The following GPC3 variants were observed in gnomAD, a reference collection of about 807,000 sequenced individuals.
GPC3 encodes glypican-3.
Under a neutral mutation model 34.4 loss-of-function variants are expected in GPC3, and 3 were observed. The observed-to-expected ratio is 0.09, with a 90% CI of 0.04 to 0.23. GPC3 has a LOEUF of 0.23. Ranked by LOEUF, GPC3 falls within the 10% of genes least tolerant of loss-of-function variation. The pLI, the probability that GPC3 is intolerant of heterozygous loss-of-function variation, is 1.00. For missense variants in GPC3, 351 were observed against 445.6 expected (o/e 0.79, Z 1.91); for synonymous variants, 177 against 174.0 (o/e 1.02, Z -0.13).
intron 6 of GPC3, among the ~76,000 whole-genome samples, chrX:133,614,017 T>TA (rs781096204): frequency 9.1e-6 from 1 of 110,186 alleles, no homozygotes; most frequent in Non-Finnish European, 1.9e-5. Flanking sequence ...GCAGGCAGAA[T>TA]AAAAAATCAG....
intron 5 of GPC3, among the ~76,000 whole-genome samples, chrX:133,674,855 T>C (rs1437728568): frequency 8.9e-6 from 1 of 112,192 alleles, no homozygotes; most frequent in African/African-American, 3.2e-5. Context: ...GAACACTGCT[T>C]TGTTTGTCTC....
intron 2 of GPC3, among the ~76,000 whole-genome samples, chrX:133,951,914 T>C (rs1256332078): frequency 9.0e-6 from 1 of 111,159 alleles, no homozygotes; most frequent in Non-Finnish European, 1.9e-5. Context: ...AATTCAGAGG[T>C]TAATTCTTGT....
chrX:133,672,041 A>G (rs961339866), intron 5 of GPC3, among the ~76,000 whole-genome samples: 3 of 112,279 alleles, frequency 2.7e-5, no homozygotes, highest in South Asian at 3.7e-4. Flanking sequence ...GTCTTGGTAC[A>G]TAATCAGGAA....
chrX:133,735,813 AT>A (rs1400095267), intron 3 of GPC3, among the ~76,000 whole-genome samples: 1 of 109,196 alleles, frequency 9.2e-6, no homozygotes, highest in Non-Finnish European at 1.9e-5. Context: ...AAATACAAAA[AT>A]TAGCCTGGTG....
intron 1 of GPC3, among the ~76,000 whole-genome samples, chrX:133,982,887 T>A (rs1173553602): frequency 8.9e-6 from 1 of 112,215 alleles, no homozygotes; most frequent in Non-Finnish European, 1.9e-5. Context: ...CAGCAGCAAA[T>A]TATACATTTA....
Position 133,727,588 on chromosome X carries a change from C to T in GPC3, c.1032+25894G>A, listed in dbSNP as rs188523815. ...GTGATATGTGGCAACTTTTAACATA[C>T]TTCATATTCTTCCTTTTGACTCCTT... On this transcript the variant is annotated intron_variant, in intron 3 of 7. Transcript: ENST00000370818. Among the ~76,000 whole-genome samples the T allele has an allele frequency of 5.0e-3, 559 of 110,882 alleles. 3 individuals are homozygous for T. The highest frequency in any genetic ancestry group is 0.017 in the African/African-American group (521 of 30,430).
chrX:133,830,389 A>G (rs1168674958), intron 2 of GPC3, among the ~76,000 whole-genome samples: 1 of 112,033 alleles, frequency 8.9e-6, no homozygotes, highest in African/African-American at 3.2e-5. Context: ...TAAAACTACA[A>G]TTTTGGGGGC....
At chrX:133,603,157 A>G (rs1443626560) in intron 6 of GPC3, among the ~76,000 whole-genome samples, 4 of 109,625 alleles carry the variant, frequency 3.6e-5, no homozygotes, top group Admixed American at 2.0e-4. Flanking sequence ...AAAAAAAAAA[A>G]AAAGACACGC....
At chrX:133,708,775 T>C (rs1175529394) in intron 3 of GPC3, among the ~76,000 whole-genome samples, 2 of 112,474 alleles carry the variant, frequency 1.8e-5, no homozygotes. Context: ...GGATTTCTAC[T>C]TTCACAAAGT....
intron 2 of GPC3, among the ~76,000 whole-genome samples, chrX:133,777,180 C>G (rs1290328789): frequency 9.0e-6 from 1 of 111,062 alleles, no homozygotes; most frequent in Non-Finnish European, 1.9e-5. Flanking sequence ...CACAGGTATT[C>G]CAAGAACAGA....
At chrX:133,682,907 T>C (rs1324852844) in intron 5 of GPC3, among the ~76,000 whole-genome samples, 1 of 102,352 alleles carries the variant, frequency 9.8e-6, no homozygotes, top group Non-Finnish European at 2.0e-5. Flanking sequence ...GCTGAGGTTG[T>C]GGTGAGTCAA....
intron 7 of GPC3, among the ~76,000 whole-genome samples, chrX:133,561,112 T>G (rs914936211): frequency 2.7e-5 from 3 of 112,101 alleles, no homozygotes; most frequent in African/African-American, 9.7e-5. Flanking sequence ...TTCACTACCT[T>G]CCCCCTCCAT....
chrX:133,584,366 T>C (rs992109798), intron 7 of GPC3, among the ~76,000 whole-genome samples: 2 of 112,194 alleles, frequency 1.8e-5, no homozygotes, highest in African/African-American at 6.5e-5. Context: ...TTCACTGTTA[T>C]TTGGAGAACG....
intron 2 of GPC3, among the ~76,000 whole-genome samples, chrX:133,874,115 T>G (rs2076005704): frequency 8.9e-6 from 1 of 111,832 alleles, no homozygotes; most frequent in South Asian, 3.8e-4. Context: ...TAAGTCTAAG[T>G]CAGTTAAGGG....
chrX:133,720,682 T>C (rs889086180), intron 3 of GPC3, among the ~76,000 whole-genome samples: 2 of 111,765 alleles, frequency 1.8e-5, no homozygotes, highest in African/African-American at 6.5e-5. Context: ...ATATGATATA[T>C]ATACACCATG....
intron 6 of GPC3, among the ~76,000 whole-genome samples, chrX:133,660,476 T>C (rs1370590910): frequency 8.9e-6 from 1 of 111,780 alleles, no homozygotes; most frequent in Non-Finnish European, 1.9e-5. Context: ...CTAACTTCTA[T>C]TTGTGTCTTG....
intron 3 of GPC3, among the ~76,000 whole-genome samples, chrX:133,743,576 G>A (rs2071584631): frequency 8.9e-6 from 1 of 112,032 alleles, no homozygotes; most frequent in African/African-American, 3.2e-5. Context: ...CTTGCTCCAA[G>A]TGGGGGAAAT....
intron 2 of GPC3, among the ~76,000 whole-genome samples, chrX:133,784,966 G>A (rs1285646832): frequency 1.8e-5 from 2 of 111,761 alleles, no homozygotes; most frequent in Admixed American, 9.5e-5. Context: ...TTTGCATAGG[G>A]TTTTGTTTTT....
intron 2 of GPC3, among the ~76,000 whole-genome samples, chrX:133,943,985 T>A (rs1278055227): frequency 8.9e-6 from 1 of 111,886 alleles, no homozygotes; most frequent in African/African-American, 3.2e-5. Flanking sequence ...ACAGGATCTA[T>A]CTTTTCTTTT....
Sources: gnomAD v4.1 joint callset for allele counts (sites outside exome capture counted in the v4.1 genomes callset) on GRCh38, gnomAD v4.1.1 for gene constraint, MANE v1.5 for transcripts, NCBI Gene and HGNC (gene_info 2026-07-23, HGNC 2026-07-21) for gene names.